Variants in SCAF8 observed in about 807,000 individuals in gnomAD.
SCAF8 encodes SR-related CTD associated factor 8.
SCAF8 carries 23 observed loss-of-function variants against 140.5 expected under a neutral mutation model. That is an observed-to-expected ratio of 0.16 (90% CI 0.12 to 0.23). The LOEUF is 0.23. Ranked by LOEUF, SCAF8 falls within the 10% of genes least tolerant of loss-of-function variation. The probability of loss-of-function intolerance (pLI) is 1.00; values close to 1 mark genes in which losing one functional copy is unlikely to be tolerated. For synonymous variants in SCAF8, 575 were observed against 528.9 expected (o/e 1.09, Z -1.20); for missense variants, 1,397 against 1,555.7 (o/e 0.90, Z 1.72).
chr6:154,784,120 G>T (rs1390699746), intron 3 of SCAF8, among the ~76,000 whole-genome samples: 4 of 106,880 alleles, frequency 3.7e-5, no homozygotes, highest in Admixed American at 1.1e-4. Context: ...GGTGTCTTGA[G>T]ATATATATAT....
intron 1 of SCAF8, among the ~76,000 whole-genome samples, chr6:154,739,425 A>G (rs1354147236): frequency 6.6e-6 from 1 of 152,212 alleles, no homozygotes; most frequent in African/African-American, 2.4e-5. Context: ...TATTTTTTTC[A>G]GGTCCTTTGT....
chr6:154,816,362 C>CT (rs1170869382), intron 13 of SCAF8, among the ~76,000 whole-genome samples: 1 of 152,184 alleles, frequency 6.6e-6, no homozygotes, highest in East Asian at 1.9e-4. Flanking sequence ...GAGCATAACT[C>CT]TTTCACTCTT....
chr6:154,795,794 G>T (rs1242842161), intron 6 of SCAF8, among the ~76,000 whole-genome samples: 1 of 152,120 alleles, frequency 6.6e-6, no homozygotes, highest in Non-Finnish European at 1.5e-5. Flanking sequence ...TTCAGGAATG[G>T]GAAGGATTGC....
chr6:154,787,827 T>C (rs758698896), intron 3 of SCAF8, 34 bp from the exon 4 acceptor site: 4 of 1,567,736 alleles, frequency 2.6e-6, no homozygotes, highest in Non-Finnish European at 2.6e-6. Flanking sequence ...ACCTTTCCGT[T>C]TCCTTTCCTT....
At chr6:154,808,513 T>A (rs1259139235) in intron 10 of SCAF8, among the ~76,000 whole-genome samples, 173 bp from the exon 11 acceptor site, 1 of 152,140 alleles carries the variant, frequency 6.6e-6, no homozygotes, top group Admixed American at 6.5e-5. Context: ...ATATTTTACG[T>A]GTGGCCAAAG....
chr6:154,734,677 G>A (rs1778363942), intron 1 of SCAF8, among the ~76,000 whole-genome samples: 1 of 152,160 alleles, frequency 6.6e-6, no homozygotes, highest in Admixed American at 6.5e-5. Context: ...CATTTTCACT[G>A]TGTAGTTGAA....
chr6:154,834,192 C>T lies in SCAF8; in HGVS notation c.*797C>T, dbSNP rs1778833203. Reference sequence around the variant, plus strand: ...AACTATGTGGTGGAAAAAGCATGTACTTTGATATAAAAATCATGCAGCCTC... The same window carrying T: ...AACTATGTGGTGGAAAAAGCATGTATTTTGATATAAAAATCATGCAGCCTC... On this transcript the variant is annotated 3_prime_UTR_variant, in exon 20 of 20. Transcript: ENST00000367178. 1 of 152,078 alleles carries T rather than the reference C, an allele frequency of 6.6e-6. No individual in the cohort carries two copies. The highest frequency in any genetic ancestry group is 2.1e-4 in the South Asian group (1 of 4,830). 9.4% of individuals were successfully genotyped at this position (152,078 alleles called of 1,614,324 possible).
Position 154,832,319 on chromosome 6 carries a change from C to G in SCAF8, c.2740C>G (p.Pro914Ala). 1 of 1,613,986 alleles carries G rather than the reference C, an allele frequency of 6.2e-7. No individual in the cohort carries two copies. Among genetic ancestry groups the G allele is most frequent in the Non-Finnish European group, 8.5e-7 (1 of 1,179,984 alleles). Reference protein sequence around the residue: ...GPQNLPPLSIPNQRMPTMPML... With the variant: ...GPQNLPPLSIANQRMPTMPML... ...TCAAAACTTACCCCCTTTAAGTATC[C>G]CTAATCAAAGGATGCCCACAATGCC... The change falls in exon 20 of 20, where the codon CCT (proline) becomes GCT (alanine). Residue 914 changes from proline (P) to alanine (A), a missense_variant. Physicochemically the swap from Pro to Ala is conservative, Grantham distance 27. Around this residue, in one of 5 missense-constraint regions of SCAF8, gnomAD observed 930 missense variants for 874.6 expected, o/e 1.06. Transcript: ENST00000367178.
rs373963095 is a variant in SCAF8 at position 154,739,317 on chromosome 6, T to C, written c.30+5387T>C. 1.6e-4 allele frequency among the ~76,000 whole-genome samples: 24 copies of C among 152,154 alleles called. No individual in the cohort carries two copies. In the South Asian group the frequency reaches 2.5e-3, roughly 16 times the overall value. ...AGATTCTTTTAAATTTTAAGTACTT[T>C]AAAAAAACAAAAAACAAACGTAGTT... is the stretch of plus-strand genomic sequence containing the variant. On this transcript the variant is annotated intron_variant, in intron 1 of 19. Coordinates refer to ENST00000367178, the MANE Select transcript of SCAF8 (RefSeq NM_014892.5).
chr6:154,779,958 A>T (rs760397587), intron 3 of SCAF8, among the ~76,000 whole-genome samples: 1 of 152,178 alleles, frequency 6.6e-6, no homozygotes, highest in Non-Finnish European at 1.5e-5. Context: ...GGACATTGAT[A>T]CAGTCACCTG....
intron 3 of SCAF8, among the ~76,000 whole-genome samples, chr6:154,787,521 C>T (rs1777288126): frequency 6.6e-6 from 1 of 152,162 alleles, no homozygotes; most frequent in Admixed American, 6.6e-5. Context: ...TTGCTAGAGC[C>T]CTTCTTTCCT....
chr6:154,743,378 T>C (rs1204157102), intron 1 of SCAF8, among the ~76,000 whole-genome samples: 2 of 152,246 alleles, frequency 1.3e-5, no homozygotes, highest in African/African-American at 4.8e-5. Context: ...TAAGAATGTT[T>C]TCTTTTGTCC....
chr6:154,810,254 A>G, intron 12 of SCAF8, 46 bp downstream of exon 12: 2 of 1,385,788 alleles, frequency 1.4e-6, no homozygotes, highest in Non-Finnish European at 2.0e-6. Context: ...TTAATATTTA[A>G]AAAATAGTTA....
intron 1 of SCAF8, among the ~76,000 whole-genome samples, chr6:154,748,981 G>A (rs1250779468): frequency 6.6e-6 from 1 of 152,064 alleles, no homozygotes; most frequent in Non-Finnish European, 1.5e-5. Flanking sequence ...TTTCTCTGTC[G>A]CCCAGGCTGG....
chr6:154,764,960 C>T (rs181231688), intron 1 of SCAF8, among the ~76,000 whole-genome samples: 8 of 152,210 alleles, frequency 5.3e-5, no homozygotes, highest in Admixed American at 5.2e-4. Context: ...CAGTGGGTTA[C>T]AGCAATATTA....
In SCAF8 at chr6:154,733,835, C is replaced by G. The variant is rs754184002; in HGVS notation, c.-66C>G. On this transcript the variant is annotated 5_prime_UTR_variant, in exon 1 of 20. Coordinates refer to ENST00000367178, the MANE Select transcript of SCAF8 (RefSeq NM_014892.5). The stretch of plus-strand genomic sequence containing the variant: ...GCCACGCAGCAGCCCGCGTCTCGCT[C>G]TCCCCACCCAGTGCAGTGGCCGCCG... 1 of 1,517,716 alleles carries G rather than the reference C, an allele frequency of 6.6e-7. No homozygotes were observed. The highest frequency in any genetic ancestry group is 8.8e-7 in the Non-Finnish European group (1 of 1,138,698). 94.0% of individuals were successfully genotyped at this position (1,517,716 alleles called of 1,614,324 possible). A position where few individuals can be genotyped will look rare whatever the true frequency, so the allele number is the denominator to read the frequency against.
At chr6:154,769,202 T>C (rs1209228235) in intron 1 of SCAF8, among the ~76,000 whole-genome samples, 1 of 152,058 alleles carries the variant, frequency 6.6e-6, no homozygotes, top group Non-Finnish European at 1.5e-5. Context: ...GTAACTTGAG[T>C]GTCTGCAGTG....
At chr6:154,793,465 T>C (rs934068932) in intron 5 of SCAF8, among the ~76,000 whole-genome samples, 1 of 151,918 alleles carries the variant, frequency 6.6e-6, no homozygotes, top group South Asian at 2.1e-4. Context: ...ATTTTTTTCA[T>C]AATTTTTTCA....
intron 1 of SCAF8, among the ~76,000 whole-genome samples, chr6:154,751,945 C>G (rs1200912672): frequency 6.6e-6 from 1 of 152,172 alleles, no homozygotes; most frequent in Non-Finnish European, 1.5e-5. Flanking sequence ...TCTCCAGCAA[C>G]TCACTCTGCA....
Sources: gnomAD v4.1 joint callset for allele counts (sites outside exome capture counted in the v4.1 genomes callset) on GRCh38, gnomAD v4.1.1 for gene constraint, gnomAD v4.1.1 regional missense constraint, MANE v1.5 for transcripts, NCBI Gene and HGNC (gene_info 2026-07-23, HGNC 2026-07-21) for gene names.